Variants in BRINP2 observed in about 807,000 individuals in gnomAD.
BRINP2 encodes the protein BMP/retinoic acid-inducible neural-specific protein 2.
A neutral mutation model predicts 69.2 loss-of-function variants in BRINP2; 21 were observed. The observed-to-expected ratio is 0.30, with a 90% CI of 0.22 to 0.44. The LOEUF is 0.44. BRINP2 is among the 20% of genes least tolerant of loss of function. BRINP2 has a pLI of 1.00. For synonymous variants in BRINP2, 380 were observed against 394.1 expected (o/e 0.96, Z 0.42); for missense variants, 877 against 986.0 (o/e 0.89, Z 1.48).
intron 1 of BRINP2, among the ~76,000 whole-genome samples, chr1:177,218,300 G>A (rs1052948083): frequency 3.3e-5 from 5 of 152,048 alleles, no homozygotes. Flanking sequence ...GGTAGGGTCT[G>A]AGGCTGGCCA....
chr1:177,177,020 C>G lies in BRINP2; in HGVS notation c.-77+5288C>G, dbSNP rs143584927. On this transcript the variant is annotated intron_variant, in intron 1 of 7. Coordinates refer to ENST00000361539, the MANE Select transcript of BRINP2 (RefSeq NM_021165.4). ...TTTCCTCCTTTCTTTTTATCTCTAC[C>G]ACATTATGATCATTCCTTGTGAGAG... 3.9e-5 allele frequency among the ~76,000 whole-genome samples: 6 copies of G among 152,188 alleles called. 1 individual carries two copies. The East Asian group carries it at 1.2e-3, about 29-fold the overall frequency.
rs1398335152 is a variant in BRINP2 at position 177,280,520 on chromosome 1, C to T, written c.1344C>T (p.Asp448=). The change falls in exon 8 of 8, where the codon GAC becomes GAT. Residue 448 remains aspartate, a synonymous_variant. Coordinates refer to ENST00000361539, the MANE Select transcript of BRINP2 (RefSeq NM_021165.4). ...GCCACAGCTGCACCTGCCCCTATGA[C>T]CAATCTTCCTGCCAGGGCCCCATCC... is the stretch of plus-strand genomic sequence containing the variant. The part of the protein sequence containing the change: ...EQSHSCTCPY[D]QSSCQGPIPC... 1.2e-6 allele frequency: 2 copies of T among 1,614,124 alleles called. No homozygotes were observed. The highest frequency in any genetic ancestry group is 3.3e-5 in the Admixed American group (2 of 60,016).
At chr1:177,279,643 G>C (rs185379568) in intron 7 of BRINP2, among the ~76,000 whole-genome samples, 1 of 152,326 alleles carries the variant, frequency 6.6e-6, no homozygotes, top group South Asian at 2.1e-4. Flanking sequence ...TTTGAGAGGA[G>C]TTCATTTATT....
chr1:177,256,397 T>C (rs1650759888), intron 3 of BRINP2: 1 of 985,318 alleles, frequency 1.0e-6, no homozygotes. Context: ...TTCGCTCCGC[T>C]GAGTCACCCA....
chr1:177,212,151 C>A (rs1206678947), intron 1 of BRINP2, among the ~76,000 whole-genome samples: 1 of 152,108 alleles, frequency 6.6e-6, no homozygotes, highest in Non-Finnish European at 1.5e-5. Flanking sequence ...ATTTTACTCA[C>A]TGAAATGTAA....
At chr1:177,180,512 G>T (rs1018739509) in intron 1 of BRINP2, among the ~76,000 whole-genome samples, 1 of 152,220 alleles carries the variant, frequency 6.6e-6, no homozygotes, top group Non-Finnish European at 1.5e-5. Flanking sequence ...CTTAAGCCTG[G>T]AGGAAAAGGT....
At chr1:177,194,072 C>T (rs1449513266) in intron 1 of BRINP2, among the ~76,000 whole-genome samples, 2 of 152,166 alleles carry the variant, frequency 1.3e-5, no homozygotes, top group African/African-American at 4.8e-5. Flanking sequence ...CCTAAACAGA[C>T]ACTGACATAC....
chr1:177,204,505 G>T (rs1014207356), intron 1 of BRINP2, among the ~76,000 whole-genome samples: 12 of 152,112 alleles, frequency 7.9e-5, no homozygotes, highest in South Asian at 2.1e-4. Flanking sequence ...AGAGAGTGGG[G>T]CCAAGAAAGC....
chr1:177,280,370 ACTT>A (rs1558189192), intron 7 of BRINP2, 39 bp from the exon 8 acceptor site: 1 of 1,537,236 alleles, frequency 6.5e-7, no homozygotes, highest in South Asian at 1.3e-5. Flanking sequence ...TCAGTGTGTG[ACTT>A]CTTTTGACTC....
rs563903170 is a variant in BRINP2, at chr1:177,207,177, A to G, written c.-76-22624A>G. ...AGGTCTCTACCTCCCCTCCTTTTCT[A>G]AGTAAAGGGTTATTGATTTACTAAT... is the stretch of plus-strand genomic sequence containing the variant. On this transcript the variant is annotated intron_variant, in intron 1 of 7. Transcript: ENST00000361539. Among the ~76,000 whole-genome samples, 58 of 152,204 alleles carry G rather than the reference A, an allele frequency of 3.8e-4. No homozygotes were observed. In the South Asian group the frequency reaches 8.5e-3, roughly 22 times the overall value.
chr1:177,241,251 G>A (rs534115728), intron 2 of BRINP2, among the ~76,000 whole-genome samples: 3 of 152,290 alleles, frequency 2.0e-5, no homozygotes, highest in South Asian at 2.1e-4. Flanking sequence ...GATTACAGGC[G>A]TGAGCCATTG....
chr1:177,280,810 CCTGGAGGAAGCGCATGCT>C lies in BRINP2; in HGVS notation c.1635_1652del (p.Trp546_Leu551del). 6.2e-7 allele frequency: 1 copy of C among 1,614,084 alleles called. No homozygotes were observed. Among genetic ancestry groups the C allele is most frequent in the Non-Finnish European group, 8.5e-7 (1 of 1,179,994 alleles). ...CGGCTGGGCAGCTGGTTTGACCCTTCCTGGAGGAAGCGCATGCTGCTCACCCTGAAGAGCAACAAGTAC... is the reference window on the plus strand; with the variant it reads ...CGGCTGGGCAGCTGGTTTGACCCTTCGCTCACCCTGAAGAGCAACAAGTAC... On this transcript the variant is annotated inframe_deletion, in exon 8 of 8. Transcript: ENST00000361539.
intron 1 of BRINP2, among the ~76,000 whole-genome samples, chr1:177,213,103 T>C (rs1649277210): frequency 2.6e-5 from 4 of 152,222 alleles, no homozygotes; most frequent in African/African-American, 9.6e-5. Context: ...TTTGATCATT[T>C]GTTCCATGAT....
chr1:177,179,403 T>C (rs1168730814), intron 1 of BRINP2, among the ~76,000 whole-genome samples: 1 of 152,186 alleles, frequency 6.6e-6, no homozygotes, highest in East Asian at 1.9e-4. Context: ...TTGTCACTGC[T>C]GGAGGTACCA....
intron 1 of BRINP2, among the ~76,000 whole-genome samples, chr1:177,194,380 T>C (rs1187612426): frequency 6.6e-6 from 1 of 152,196 alleles, no homozygotes; most frequent in African/African-American, 2.4e-5. Context: ...CCAAGGAGGA[T>C]AGATAATGGA....
intron 1 of BRINP2, among the ~76,000 whole-genome samples, chr1:177,186,019 C>T (rs1189564200): frequency 6.6e-6 from 1 of 152,182 alleles, no homozygotes; most frequent in Non-Finnish European, 1.5e-5. Flanking sequence ...TTTTGCTGTA[C>T]TTAAACACAA....
At chr1:177,250,827 C>G (rs1360195437) in intron 2 of BRINP2, among the ~76,000 whole-genome samples, 2 of 152,200 alleles carry the variant, frequency 1.3e-5, no homozygotes, top group Non-Finnish European at 2.9e-5. Context: ...TGGAGTCAGA[C>G]AGTCTGTGTT....
chr1:177,202,422 A>C (rs1648941985), intron 1 of BRINP2, among the ~76,000 whole-genome samples: 1 of 152,190 alleles, frequency 6.6e-6, no homozygotes, highest in African/African-American at 2.4e-5. Context: ...TGTTGGTTTC[A>C]AAGAACATCT....
Position 177,280,611 on chromosome 1 carries a change from AGCTGCAACCCGG to A in BRINP2, c.1439_1450del (p.Cys480_Gly483del). 1 of 1,614,156 alleles carries A rather than the reference AGCTGCAACCCGG, an allele frequency of 6.2e-7. No individual in the cohort carries two copies. On this transcript the variant is annotated inframe_deletion, in exon 8 of 8. Coordinates refer to ENST00000361539, the MANE Select transcript of BRINP2 (RefSeq NM_021165.4). ...TCCAGACAATAGCACACGCTGTGGGAGCTGCAACCCGGGCTATGTGCTGGCCCAGGGGCTGTG... is the reference window on the plus strand; with the variant it reads ...TCCAGACAATAGCACACGCTGTGGGAGCTATGTGCTGGCCCAGGGGCTGTG...
Sources: allele counts gnomAD v4.1 joint callset (sites outside exome capture counted in the v4.1 genomes callset), GRCh38; gene constraint gnomAD v4.1.1; transcripts MANE v1.5; gene names NCBI Gene and HGNC (gene_info 2026-07-23, HGNC 2026-07-21).